The following HYCC1 variants were observed in gnomAD, a reference collection of about 807,000 sequenced individuals.
HYCC1 encodes the protein hyccin.
the HYCC1 span, among the ~76,000 whole-genome samples, chr7:23,008,282 G>C: frequency 6.6e-6 from 1 of 151,950 alleles, no homozygotes; most frequent in Non-Finnish European, 1.5e-5. Context: ...ATAATTTTAA[G>C]AGTTCCATTC....
chr7:22,984,173 C>A, the HYCC1 span: 1 of 646,620 alleles, frequency 1.5e-6, no homozygotes, highest in Middle Eastern at 4.1e-4. Flanking sequence ...GAGTGACTAA[C>A]AGGTATGAAG....
At chr7:22,931,541 A>G in the HYCC1 span, among the ~76,000 whole-genome samples, 1 of 152,274 alleles carries the variant, frequency 6.6e-6, no homozygotes, top group African/African-American at 2.4e-5. Context: ...GAATTTTGAG[A>G]TACATGATAG....
At chr7:23,004,839 T>A in the HYCC1 span, among the ~76,000 whole-genome samples, 1 of 152,204 alleles carries the variant, frequency 6.6e-6, no homozygotes. Context: ...GGAGTCTCAC[T>A]GTGTCGCTCA....
chr7:23,001,132 G>T, the HYCC1 span, among the ~76,000 whole-genome samples: 48 of 152,144 alleles, frequency 3.2e-4, no homozygotes, highest in Admixed American at 2.4e-3. Context: ...AATGGTAGAT[G>T]TCCATAGATA....
the HYCC1 span, among the ~76,000 whole-genome samples, chr7:22,919,661 T>A: frequency 6.7e-6 from 1 of 149,476 alleles, no homozygotes; most frequent in African/African-American, 2.5e-5. Context: ...ATAACTGAAA[T>A]GAAAATTTAA....
the HYCC1 span, chr7:22,937,211 A>G: frequency 6.6e-6 from 1 of 152,196 alleles, no homozygotes; most frequent in Non-Finnish European, 1.5e-5. Flanking sequence ...GAAGAGAGTA[A>G]AAGTTTAAAG....
At chr7:23,009,279 A>C in the HYCC1 span, among the ~76,000 whole-genome samples, 9 of 152,270 alleles carry the variant, frequency 5.9e-5, no homozygotes, top group African/African-American at 1.9e-4. Context: ...TTATTATATT[A>C]GTAATTAAGA....
At chr7:22,990,977 A>G in the HYCC1 span, 1 of 920,296 alleles carries the variant, frequency 1.1e-6, no homozygotes, top group Non-Finnish European at 1.8e-6. Flanking sequence ...TTTCAGTCAT[A>G]TAAAATACAA....
chr7:22,992,807 G>A, the HYCC1 span, among the ~76,000 whole-genome samples: 1 of 152,080 alleles, frequency 6.6e-6, no homozygotes, highest in Non-Finnish European at 1.5e-5. Flanking sequence ...ACATAGAAAT[G>A]GGGAGGTAAA....
chr7:22,989,945 C>T, the HYCC1 span, among the ~76,000 whole-genome samples: 4 of 152,152 alleles, frequency 2.6e-5, no homozygotes, highest in Non-Finnish European at 5.9e-5. Context: ...GACTTGTTAT[C>T]TAAAATCACA....
chr7:22,963,695 T>C, the HYCC1 span, among the ~76,000 whole-genome samples: 1 of 152,176 alleles, frequency 6.6e-6, no homozygotes, highest in Non-Finnish European at 1.5e-5. Flanking sequence ...AAAGCAGCCA[T>C]AGACAATACA....
chr7:22,998,636 C>A, the HYCC1 span, among the ~76,000 whole-genome samples: 1 of 152,030 alleles, frequency 6.6e-6, no homozygotes, highest in African/African-American at 2.4e-5. Context: ...CTTTATAATG[C>A]CCGTCAAATT....
chr7:22,913,860 T>C, the HYCC1 span, among the ~76,000 whole-genome samples: 8 of 152,202 alleles, frequency 5.3e-5, no homozygotes, highest in African/African-American at 1.9e-4. Context: ...ACAGGAGGAC[T>C]CCTTTGGGAG....
chr7:23,010,268 T>C, the HYCC1 span, among the ~76,000 whole-genome samples: 1 of 152,172 alleles, frequency 6.6e-6, no homozygotes, highest in Non-Finnish European at 1.5e-5. Flanking sequence ...TCCATTCACT[T>C]CTATCTCCTC....
the HYCC1 span, among the ~76,000 whole-genome samples, chr7:22,923,736 A>G: frequency 6.6e-6 from 1 of 152,198 alleles, no homozygotes. Flanking sequence ...TACAAAATAA[A>G]GGAAATTTAG....
At chr7:22,928,106 G>A in the HYCC1 span, among the ~76,000 whole-genome samples, 1 of 152,146 alleles carries the variant, frequency 6.6e-6, no homozygotes, top group African/African-American at 2.4e-5. Context: ...CTCAATAGAT[G>A]CAGAAAAGGC....
the HYCC1 span, among the ~76,000 whole-genome samples, chr7:22,992,668 TTA>T: frequency 1.5e-4 from 23 of 152,306 alleles, no homozygotes; most frequent in Non-Finnish European, 2.8e-4. Flanking sequence ...TCTACTTTTT[TTA>T]TGTTGTTATG....
the HYCC1 span, among the ~76,000 whole-genome samples, chr7:22,983,174 C>T: frequency 1.3e-5 from 2 of 151,750 alleles, no homozygotes; most frequent in Non-Finnish European, 2.9e-5. Flanking sequence ...ACCAAAAACA[C>T]AAAAATTGGC....
chr7:22,925,712 T>C, the HYCC1 span, among the ~76,000 whole-genome samples: 4 of 152,340 alleles, frequency 2.6e-5, no homozygotes, highest in South Asian at 8.3e-4. Flanking sequence ...CTAATTGGTG[T>C]ATCTAAAAGT....
Sources: allele counts gnomAD v4.1 joint callset (sites outside exome capture counted in the v4.1 genomes callset), GRCh38; gene constraint gnomAD v4.1.1; transcripts MANE v1.5; gene names NCBI Gene and HGNC (gene_info 2026-07-23, HGNC 2026-07-21).